ATF7: variants seen among roughly 807,000 people sequenced by gnomAD.
The protein encoded by ATF7 is activating transcription factor 7.
Under a neutral mutation model 50.4 loss-of-function variants are expected in ATF7, and 10 were observed. The observed-to-expected ratio is 0.20, with a 90% CI of 0.12 to 0.34. ATF7 has a LOEUF of 0.34. Ranked by LOEUF, ATF7 falls within the 10% of genes least tolerant of loss-of-function variation. The pLI is 1.00. For synonymous variants in ATF7, 201 were observed against 226.4 expected (o/e 0.89, Z 1.01); for missense variants, 465 against 613.9 (o/e 0.76, Z 2.56).
chr12:53,618,002 C>A (rs1944214982), intron 1 of ATF7, among the ~76,000 whole-genome samples: 2 of 151,996 alleles, frequency 1.3e-5, no homozygotes, highest in South Asian at 4.1e-4. Flanking sequence ...AAAGTGTCCA[C>A]AAGGGAAATG....
chr12:53,552,402 CT>C, intron 3 of ATF7, 138 bp downstream of exon 3: 5 of 631,110 alleles, frequency 7.9e-6, no homozygotes, highest in South Asian at 2.2e-5. Flanking sequence ...TTTAGTGTTC[CT>C]TTTTCCTGAT....
rs568334913 is a variant in ATF7 at position 53,611,301 on chromosome 12, T to C, written c.-21-10280A>G. On this transcript the variant is annotated intron_variant, in intron 1 of 11. Transcript: ENST00000420353. ...CTGGCCAAAATGGTGAAACCCCGTC[T>C]CTACCAAAAATACAAAAATTAGCTG... is the stretch of plus-strand genomic sequence containing the variant. 1.1e-3 allele frequency among the ~76,000 whole-genome samples: 161 copies of C among 152,136 alleles called. 2 individuals are homozygous for C. The Middle Eastern group carries it at 0.014, about 13-fold the overall frequency.
chr12:53,509,399 C>T (rs1212985606), downstream of ATF7, among the ~76,000 whole-genome samples: 4 of 151,926 alleles, frequency 2.6e-5, no homozygotes, highest in Admixed American at 1.3e-4. Context: ...GACTTCTACT[C>T]GGGGTCTTAG....
At chr12:53,528,746 G>A (rs1261274227) in intron 9 of ATF7, among the ~76,000 whole-genome samples, 1 of 151,860 alleles carries the variant, frequency 6.6e-6, no homozygotes, top group Non-Finnish European at 1.5e-5. Flanking sequence ...CTGGGTGACA[G>A]AGCGAGACTC....
At chr12:53,582,756 TAGCCGGG>T (rs1249516065) in intron 2 of ATF7, among the ~76,000 whole-genome samples, 18 of 152,004 alleles carry the variant, frequency 1.2e-4, no homozygotes, top group Non-Finnish European at 2.1e-4. Flanking sequence ...TTTTTTGTAT[TAGCCGGG>T]ATTAGTAGAG....
intron 2 of ATF7, among the ~76,000 whole-genome samples, chr12:53,566,412 C>T (rs1379761865): frequency 6.6e-6 from 1 of 152,176 alleles, no homozygotes; most frequent in Non-Finnish European, 1.5e-5. Context: ...GCAAGATATT[C>T]CTTTTTCCTA....
intron 2 of ATF7, among the ~76,000 whole-genome samples, chr12:53,599,123 C>T (rs1565587043): frequency 6.6e-6 from 1 of 152,250 alleles, no homozygotes; most frequent in East Asian, 1.9e-4. Flanking sequence ...CCTTGAACTC[C>T]TGGACTCTCA....
At chr12:53,570,769 GTGTGTGTA>G (rs1337897573) in intron 2 of ATF7, among the ~76,000 whole-genome samples, 298 of 135,356 alleles carry the variant, frequency 2.2e-3, no homozygotes, top group South Asian at 6.0e-3. Flanking sequence ...GTGTGTGTGT[GTGTGTGTA>G]TGTCCAATTT....
intron 1 of ATF7, among the ~76,000 whole-genome samples, chr12:53,618,142 T>C (rs1370808965): frequency 6.6e-6 from 1 of 152,192 alleles, no homozygotes; most frequent in Non-Finnish European, 1.5e-5. Context: ...TTTATGTTCC[T>C]TACTTGTGTT....
At chr12:53,582,111 A>G (rs1434074102) in intron 2 of ATF7, among the ~76,000 whole-genome samples, 4 of 151,996 alleles carry the variant, frequency 2.6e-5, no homozygotes, top group African/African-American at 4.8e-5. Context: ...AAATGAATGA[A>G]TGAACAAAAA....
chr12:53,568,268 C>T (rs1467271165), intron 2 of ATF7, among the ~76,000 whole-genome samples: 1 of 152,124 alleles, frequency 6.6e-6, no homozygotes, highest in Non-Finnish European at 1.5e-5. Context: ...AGTACTGTAA[C>T]AGTCAAGCCA....
intron 2 of ATF7, among the ~76,000 whole-genome samples, chr12:53,576,741 T>TA (rs1296174137): frequency 6.6e-6 from 1 of 151,912 alleles, no homozygotes. Context: ...ACGCTACAGA[T>TA]AAAAAACACT....
intron 11 of ATF7, among the ~76,000 whole-genome samples, chr12:53,519,630 A>G (rs554946748): frequency 8.5e-5 from 13 of 152,322 alleles, no homozygotes; most frequent in African/African-American, 2.9e-4. Flanking sequence ...AAGAATAAGT[A>G]GTTTAATGGA....
chr12:53,601,358 G>A (rs1943395002), intron 1 of ATF7, among the ~76,000 whole-genome samples: 1 of 152,194 alleles, frequency 6.6e-6, no homozygotes, highest in African/African-American at 2.4e-5. Flanking sequence ...TAAATTCACT[G>A]AACGCTCGAT....
chr12:53,521,592 A>G (rs1201476903), intron 11 of ATF7, among the ~76,000 whole-genome samples: 2 of 152,204 alleles, frequency 1.3e-5, no homozygotes, highest in African/African-American at 2.4e-5. Context: ...AAGCCACCTA[A>G]TCTAAAATTT....
intron 11 of ATF7, among the ~76,000 whole-genome samples, chr12:53,520,562 T>C (rs1156488676): frequency 6.6e-6 from 1 of 152,100 alleles, no homozygotes; most frequent in Non-Finnish European, 1.5e-5. Flanking sequence ...CAAAACTAGC[T>C]ATATGCTGCC....
chr12:53,618,876 A>G (rs1944258173), intron 1 of ATF7, among the ~76,000 whole-genome samples: 1 of 151,872 alleles, frequency 6.6e-6, no homozygotes, highest in Admixed American at 6.6e-5. Flanking sequence ...ACATGGTGAA[A>G]CCCCATCTCT....
chr12:53,541,303 C>A (rs985361393), intron 4 of ATF7, among the ~76,000 whole-genome samples: 4 of 152,094 alleles, frequency 2.6e-5, no homozygotes, highest in African/African-American at 7.2e-5. Flanking sequence ...CTTCACTATA[C>A]CATGCAATTG....
At chr12:53,621,930 A>G (rs1029569804) in intron 1 of ATF7, among the ~76,000 whole-genome samples, 1 of 152,112 alleles carries the variant, frequency 6.6e-6, no homozygotes, top group Non-Finnish European at 1.5e-5. Flanking sequence ...AGATGTTCAG[A>G]CCTAGATGAG....
Sources: allele counts gnomAD v4.1 joint callset (sites outside exome capture counted in the v4.1 genomes callset), GRCh38; gene constraint gnomAD v4.1.1; transcripts MANE v1.5; gene names NCBI Gene and HGNC (gene_info 2026-07-23, HGNC 2026-07-21).